Variants in SEC24D observed in about 807,000 individuals in gnomAD.
The protein encoded by SEC24D is protein transport protein Sec24D.
A neutral mutation model predicts 116.9 loss-of-function variants in SEC24D; 69 were observed. The ratio of observed to expected loss-of-function variants is 0.59; its 90% CI spans 0.49 to 0.72. The LOEUF (loss-of-function observed/expected upper bound fraction) is 0.72, where lower values mean the gene tolerates loss of function less well. Ranked by LOEUF, SEC24D falls within the 30% of genes least tolerant of loss-of-function variation. The probability of loss-of-function intolerance (pLI) is 0.00; values close to 1 mark genes in which losing one functional copy is unlikely to be tolerated. For synonymous variants in SEC24D, 405 were observed against 442.8 expected, an observed-to-expected ratio of 0.91 and a Z score of 1.07; for missense variants, 1,131 against 1,264.1, an observed-to-expected ratio of 0.89 and a Z score of 1.60.
chr4:118,725,480 C>G (rs1477408727), intron 22 of SEC24D, among the ~76,000 whole-genome samples: 1 of 152,154 alleles, frequency 6.6e-6, no homozygotes, highest in Non-Finnish European at 1.5e-5. Context: ...CAGACTGAGG[C>G]TGGGCAGGAT....
chr4:118,743,877 T>G (rs1726357866), intron 15 of SEC24D, 111 bp downstream of exon 15: 1 of 962,808 alleles, frequency 1.0e-6, no homozygotes, highest in Non-Finnish European at 1.5e-6. Context: ...TGCTCTTGAA[T>G]TTATATGTGT....
intron 9 of SEC24D, among the ~76,000 whole-genome samples, chr4:118,767,476 C>CA (rs1021089757): frequency 6.6e-6 from 1 of 152,058 alleles, no homozygotes; most frequent in Non-Finnish European, 1.5e-5. Flanking sequence ...TCACATGGTT[C>CA]AAAAAATGTC....
chr4:118,797,735 T>C lies in SEC24D; in HGVS notation c.989A>G (p.Gln330Arg), dbSNP rs145077493. The change falls in exon 8 of 23, where the codon CAG becomes CGG. Residue 330 changes from glutamine to arginine, a missense_variant. Transcript: ENST00000280551. ...CTTGATGACAGCAGCTAATGGAATCTGAGCTTGCTTAGCCATATCTGACGT... is the reference window on the plus strand; with the variant it reads ...CTTGATGACAGCAGCTAATGGAATCCGAGCTTGCTTAGCCATATCTGACGT... The part of the protein sequence containing the change: ...PCTSDMAKQA[Q>R]IPLAAVIKPF... 1 of 1,611,344 alleles carries C rather than the reference T, an allele frequency of 6.2e-7. No individual in the cohort carries two copies. The highest frequency in any genetic ancestry group is 8.5e-7 in the Non-Finnish European group (1 of 1,177,990).
rs1578416928 is a variant in SEC24D, at chr4:118,771,167, A to G, written c.1042-2856T>C. ...TCTTTTGAGTTCGATCTTGGTGTGC[A>G]TGGCTTTAAAAAAAAATCAAGTTAC... On this transcript the variant is annotated intron_variant, in intron 8 of 22. Transcript: ENST00000280551. 2.0e-5 allele frequency among the ~76,000 whole-genome samples: 3 copies of G among 152,270 alleles called. No individual in the cohort carries two copies. The South Asian group carries it at 6.2e-4, about 32-fold the overall frequency.
chr4:118,756,510 C>T (rs1560645019), intron 11 of SEC24D, among the ~76,000 whole-genome samples: 1 of 152,110 alleles, frequency 6.6e-6, no homozygotes, highest in Non-Finnish European at 1.5e-5. Context: ...GTCTGAGCCT[C>T]ACATCTCCCA....
intron 11 of SEC24D, among the ~76,000 whole-genome samples, chr4:118,756,495 C>A (rs1449298456): frequency 6.6e-6 from 1 of 152,136 alleles, no homozygotes; most frequent in Non-Finnish European, 1.5e-5. Context: ...GTCCAGAGTT[C>A]ATTTGTCTGA....
chr4:118,771,332 C>A (rs1384622960), intron 8 of SEC24D, among the ~76,000 whole-genome samples: 1 of 152,118 alleles, frequency 6.6e-6, no homozygotes, highest in Non-Finnish European at 1.5e-5. Flanking sequence ...TCTGCCCTTT[C>A]TTTTCTGTTC....
Position 118,820,210 on chromosome 4 carries a change from C to T in SEC24D, c.249-2798G>A, listed in dbSNP as rs182750404. On this transcript the variant is annotated intron_variant, in intron 3 of 22. Transcript: ENST00000280551. ...TTTTTTTTTTTTTGAGACGGAGTTT[C>T]GCTCTTGTCGCCCAGGCTGGAGTAA... Among the ~76,000 whole-genome samples the T allele has an allele frequency of 3.7e-4, 49 of 131,650 alleles. No individual in the cohort carries two copies. In the East Asian group the frequency reaches 9.7e-3, roughly 26 times the overall value. 86.4% of individuals were successfully genotyped at this position (131,650 alleles called of 152,430 possible). A position where few individuals can be genotyped will look rare whatever the true frequency, so the allele number is the denominator to read the frequency against.
intron 3 of SEC24D, among the ~76,000 whole-genome samples, chr4:118,823,851 G>A (rs752257408): frequency 1.3e-5 from 2 of 152,010 alleles, no homozygotes; most frequent in Non-Finnish European, 2.9e-5. Flanking sequence ...TCCCTCACTG[G>A]CATCTGTGTG....
At chr4:118,833,513 G>A in intron 2 of SEC24D, 66 bp downstream of exon 2, 1 of 1,073,522 alleles carries the variant, frequency 9.3e-7, no homozygotes, top group South Asian at 1.4e-5. Flanking sequence ...TCCTCTTTCA[G>A]AACATCTTAT....
rs1238176712 is a variant in SEC24D, at chr4:118,815,302, C to T, written c.674-147G>A. On this transcript the variant is annotated intron_variant, in intron 5 of 22. Transcript: ENST00000280551. Reference sequence around the variant, plus strand: ...GGAGTCAAGTATGAGTGTGGTTCCCCATTTCTTTGCTCTTGCCAAAACTCT... The same window carrying T: ...GGAGTCAAGTATGAGTGTGGTTCCCTATTTCTTTGCTCTTGCCAAAACTCT... The T allele has an allele frequency of 3.7e-6, 5 of 1,349,616 alleles. No homozygotes were observed. In the East Asian group the frequency reaches 1.2e-4, roughly 32 times the overall value. The allele number at this position is 1,349,616 out of a possible 1,614,324, so 83.6% of individuals were successfully genotyped here.
At chr4:118,795,387 T>A (rs948130389) in intron 8 of SEC24D, among the ~76,000 whole-genome samples, 2 of 152,002 alleles carry the variant, frequency 1.3e-5, no homozygotes, top group African/African-American at 4.8e-5. Flanking sequence ...TTTTGTATTT[T>A]TAGTAGAGAT....
In SEC24D at chr4:118,743,847, G is replaced by T. The variant is rs142075154; in HGVS notation, c.1995+141C>A. The T allele has an allele frequency of 8.3e-6, 6 of 719,542 alleles. No homozygotes were observed. The East Asian group carries it at 1.1e-4, about 14-fold the overall frequency. 44.6% of individuals were successfully genotyped at this position (719,542 alleles called of 1,614,324 possible). ...AACTCTCCTTATAAAAAGGACCAAC[G>T]GTATACTTTGTTTTCCATCTGCTCT... is the stretch of plus-strand genomic sequence containing the variant. On this transcript the variant is annotated intron_variant, in intron 15 of 22. Transcript: ENST00000280551.
At chr4:118,755,120 T>C (rs1315624312) in intron 11 of SEC24D, among the ~76,000 whole-genome samples, 1 of 152,126 alleles carries the variant, frequency 6.6e-6, no homozygotes, top group Non-Finnish European at 1.5e-5. Flanking sequence ...CTGGTCTCCA[T>C]GGGAACTTTT....
In SEC24D at chr4:118,743,230, T is replaced by C. The variant is rs1578389559; in HGVS notation, c.1995+758A>G. Reference sequence around the variant, plus strand: ...AAGTATATTTTACATAAAATATATTTTTCTCCATTATGAAAGCTCACATTG... The same window carrying C: ...AAGTATATTTTACATAAAATATATTCTTCTCCATTATGAAAGCTCACATTG... On this transcript the variant is annotated intron_variant, in intron 15 of 22. Coordinates refer to ENST00000280551, the MANE Select transcript of SEC24D (RefSeq NM_014822.4). Among the ~76,000 whole-genome samples, 3 of 152,244 alleles carry C rather than the reference T, an allele frequency of 2.0e-5. No homozygotes were observed. In the East Asian group the frequency reaches 5.8e-4, roughly 29 times the overall value.
intron 22 of SEC24D, among the ~76,000 whole-genome samples, chr4:118,726,773 A>G (rs922837480): frequency 6.2e-5 from 9 of 144,152 alleles, no homozygotes; most frequent in Middle Eastern, 3.4e-3. Flanking sequence ...ACTGTGGTAG[A>G]AATCTTTTTT....
In SEC24D at chr4:118,815,500, G is replaced by A. The variant is rs1168993728; in HGVS notation, c.624C>T (p.Pro208=). 1 of 1,614,170 alleles carries A rather than the reference G, an allele frequency of 6.2e-7. No homozygotes were observed. The highest frequency in any genetic ancestry group is 1.3e-5 in the African/African-American group (1 of 75,026). The change falls in exon 5 of 23, where the codon CCC becomes CCT. Residue 208 remains proline, a synonymous_variant. Coordinates refer to ENST00000280551, the MANE Select transcript of SEC24D (RefSeq NM_014822.4). The part of the protein sequence containing the change: ...GPPPPNAQYQ[P]PPLPGQTLGA... ...CCAAGGTCTGGCCTGGAAGAGGTGG[G>A]GGCTGGTACTGGGCATTTGGAGGAG...
At chr4:118,791,544 C>T (rs957531312) in intron 8 of SEC24D, among the ~76,000 whole-genome samples, 1 of 152,166 alleles carries the variant, frequency 6.6e-6, no homozygotes, top group Non-Finnish European at 1.5e-5. Context: ...TCCCTCCTCT[C>T]TCTCCCTCCA....
intron 3 of SEC24D, among the ~76,000 whole-genome samples, chr4:118,821,085 ATTGAAACAAAATCAGAATT>A (rs1483092522): frequency 6.6e-6 from 1 of 152,232 alleles, no homozygotes. Context: ...TCAAGATTTG[ATTGAAACAAAATCAGAATT>A]TTGAATACCT....
Sources: allele counts gnomAD v4.1 joint callset (sites outside exome capture counted in the v4.1 genomes callset), GRCh38; gene constraint gnomAD v4.1.1; transcripts MANE v1.5; gene names NCBI Gene and HGNC (gene_info 2026-07-23, HGNC 2026-07-21).